BAZ2B: variants seen among roughly 807,000 people sequenced by gnomAD.
BAZ2B encodes bromodomain adjacent to zinc finger domain protein 2B.
BAZ2B carries 91 observed loss-of-function variants against 246.0 expected under a neutral mutation model. The ratio of observed to expected loss-of-function variants is 0.37; its 90% CI spans 0.31 to 0.44. The LOEUF (loss-of-function observed/expected upper bound fraction) is 0.44, where lower values mean the gene tolerates loss of function less well. Among genes scored for constraint, BAZ2B ranks in the 20% least tolerant of loss-of-function variants. The pLI, the probability that BAZ2B is intolerant of heterozygous loss-of-function variation, is 1.00. For synonymous variants in BAZ2B, 855 were observed against 860.0 expected, an observed-to-expected ratio of 0.99 and a Z score of 0.10; for missense variants, 2,332 against 2,533.7, an observed-to-expected ratio of 0.92 and a Z score of 1.71.
At chr2:159,363,041 C>G (rs3771685) in intron 27 of BAZ2B, among the ~76,000 whole-genome samples, 94,818 of 152,008 alleles carry the variant, frequency 0.62, 31,990 homozygotes, top group Non-Finnish European at 0.78. Context: ...CTCTTATTAG[C>G]TCCACTACTG....
In BAZ2B at chr2:159,324,958, A is replaced by G; in HGVS notation, c.6210-4T>C. Reference sequence around the variant, plus strand: ...TTCCATTTCAGTCAGAATCATACTAAAGAAAATAATGTTTGAAATCAGTAT... The same window carrying G: ...TTCCATTTCAGTCAGAATCATACTAGAGAAAATAATGTTTGAAATCAGTAT... On this transcript the variant is annotated splice_polypyrimidine_tract_variant and splice_region_variant and intron_variant, in intron 35 of 36. Coordinates refer to ENST00000392783, the MANE Select transcript of BAZ2B (RefSeq NM_013450.4). The G allele has an allele frequency of 2.7e-6, 4 of 1,507,546 alleles. No homozygotes were observed. Among genetic ancestry groups the G allele is most frequent in the Non-Finnish European group, 3.5e-6 (4 of 1,140,220 alleles). 93.4% of individuals were successfully genotyped at this position (1,507,546 alleles called of 1,614,324 possible).
At chr2:159,595,078 T>C (rs979836436) in intron 1 of BAZ2B, among the ~76,000 whole-genome samples, 3 of 152,146 alleles carry the variant, frequency 2.0e-5, no homozygotes, top group East Asian at 3.9e-4. Flanking sequence ...TACTGAAACA[T>C]TGATTACTAT....
chr2:159,577,680 A>G (rs759715568), intron 1 of BAZ2B, among the ~76,000 whole-genome samples: 2 of 152,196 alleles, frequency 1.3e-5, no homozygotes, highest in Non-Finnish European at 2.9e-5. Context: ...AATAACAATT[A>G]TGTGACAAGA....
At chr2:159,386,294 T>A in intron 22 of BAZ2B, 59 bp downstream of exon 22, 1 of 1,451,802 alleles carries the variant, frequency 6.9e-7, no homozygotes, top group Non-Finnish European at 9.3e-7. Context: ...ATGCTAAAGC[T>A]ATCTACCAAT....
intron 2 of BAZ2B, among the ~76,000 whole-genome samples, chr2:159,491,491 C>T (rs1183613468): frequency 1.3e-5 from 2 of 151,302 alleles, no homozygotes. Flanking sequence ...GAGGCCGAGG[C>T]GGGCGGATCA....
Position 159,321,082 on chromosome 2 carries a change from C to T in BAZ2B, c.6354-664G>A, listed in dbSNP as rs571861007. Among the ~76,000 whole-genome samples the T allele has an allele frequency of 3.0e-4, 45 of 152,182 alleles. No homozygotes were observed. In the South Asian group the frequency reaches 4.4e-3, roughly 15 times the overall value. On this transcript the variant is annotated intron_variant, in intron 36 of 36. Transcript: ENST00000392783. ...CACTGTGGCTTCTGTGCTTTTCTGGCGGGATAAGCCCAATTCTCTTTCTCT... is the reference window on the plus strand; with the variant it reads ...CACTGTGGCTTCTGTGCTTTTCTGGTGGGATAAGCCCAATTCTCTTTCTCT...
intron 13 of BAZ2B, among the ~76,000 whole-genome samples, chr2:159,414,761 G>A (rs942130209): frequency 2.7e-5 from 4 of 150,762 alleles, no homozygotes; most frequent in Non-Finnish European, 5.9e-5. Context: ...AGGTTGCAGT[G>A]AGCCGAGATG....
intron 2 of BAZ2B, among the ~76,000 whole-genome samples, chr2:159,495,439 C>G (rs868370166): frequency 8.1e-6 from 1 of 124,022 alleles, no homozygotes; most frequent in African/African-American, 3.3e-5. Context: ...GAGCCGAGAT[C>G]GCGCCTCTGC....
At chr2:159,442,226 C>A (rs1461855830) in intron 6 of BAZ2B, among the ~76,000 whole-genome samples, 3 of 151,938 alleles carry the variant, frequency 2.0e-5, no homozygotes, top group African/African-American at 7.3e-5. Context: ...AGCCAATCAC[C>A]CAAGGACATA....
intron 14 of BAZ2B, among the ~76,000 whole-genome samples, chr2:159,411,689 C>A (rs1164066363): frequency 1.3e-5 from 2 of 152,090 alleles, no homozygotes; most frequent in Non-Finnish European, 1.5e-5. Flanking sequence ...CTTCTCTTTG[C>A]CATACATAGC....
chr2:159,445,199 C>A (rs1271248225), intron 6 of BAZ2B, among the ~76,000 whole-genome samples: 1 of 151,702 alleles, frequency 6.6e-6, no homozygotes, highest in Admixed American at 6.6e-5. Flanking sequence ...ACTCCTGGAA[C>A]CAATGATAAG....
intron 3 of BAZ2B, among the ~76,000 whole-genome samples, chr2:159,465,403 T>C (rs2076916562): frequency 6.6e-6 from 1 of 152,210 alleles, no homozygotes; most frequent in African/African-American, 2.4e-5. Context: ...TTAACCTATG[T>C]CTTTTGAGGG....
At chr2:159,553,001 AG>A (rs2088514429) in intron 2 of BAZ2B, among the ~76,000 whole-genome samples, 1 of 152,230 alleles carries the variant, frequency 6.6e-6, no homozygotes, top group Non-Finnish European at 1.5e-5. Flanking sequence ...TAAAGGGAAT[AG>A]CATGAATGTA....
intron 3 of BAZ2B, chr2:159,463,102 C>A: frequency 1.5e-6 from 1 of 687,596 alleles, no homozygotes; most frequent in Non-Finnish European, 2.7e-6. Flanking sequence ...GGCAAATGCA[C>A]GTGCTGCCCT....
intron 2 of BAZ2B, among the ~76,000 whole-genome samples, chr2:159,501,222 ATATT>A (rs2081774286): frequency 8.7e-6 from 1 of 114,826 alleles, no homozygotes. Context: ...TATTATATAT[ATATT>A]TATATATATA....
At chr2:159,686,450 CA>C in the BAZ2B span, among the ~76,000 whole-genome samples, 1 of 151,910 alleles carries the variant, frequency 6.6e-6, no homozygotes, top group Admixed American at 6.6e-5. Context: ...TAAGGCAAAC[CA>C]AAACGGAAAA....
intron 2 of BAZ2B, among the ~76,000 whole-genome samples, chr2:159,535,314 G>C (rs970710637): frequency 1.2e-4 from 18 of 152,308 alleles, no homozygotes; most frequent in African/African-American, 4.3e-4. Flanking sequence ...TTGAGGTCAG[G>C]AGTTCAAGAC....
chr2:159,397,980 C>G (rs1212954110), intron 18 of BAZ2B, among the ~76,000 whole-genome samples: 2 of 152,070 alleles, frequency 1.3e-5, no homozygotes, highest in Non-Finnish European at 2.9e-5. Flanking sequence ...TAAGGCAAAC[C>G]ATTCTAGGAA....
rs184198992 is a variant in BAZ2B at position 159,349,105 on chromosome 2, G to T, written c.5039C>A (p.Ser1680Tyr). The stretch of plus-strand genomic sequence containing the variant: ...GGCCTTTTCATTCTGTGGTACTGGA[G>T]ATTCACTTTTACTTGAAGCAACATT... ...TSNVASSKSE[S>Y]PVPQNEKATS... Residue 1680 changes from serine (S) to tyrosine (Y), a missense_variant, in exon 29 of 37, where the codon TCT (serine) becomes TAT (tyrosine). Physicochemically the swap from Ser to Tyr is moderately radical, Grantham distance 144. Coordinates refer to ENST00000392783, the MANE Select transcript of BAZ2B (RefSeq NM_013450.4). 5 of 1,614,032 alleles carry T rather than the reference G, an allele frequency of 3.1e-6. No homozygotes were observed. The African/African-American group carries it at 6.7e-5, about 22-fold the overall frequency.
Sources: gnomAD v4.1 joint callset for allele counts (sites outside exome capture counted in the v4.1 genomes callset) on GRCh38, gnomAD v4.1.1 for gene constraint, MANE v1.5 for transcripts, NCBI Gene and HGNC (gene_info 2026-07-23, HGNC 2026-07-21) for gene names.